Variants in PER3 observed in about 807,000 individuals in gnomAD.
PER3 encodes the protein period circadian protein homolog 3.
Under a neutral mutation model 127.2 loss-of-function variants are expected in PER3, and 107 were observed. The ratio of observed to expected loss-of-function variants is 0.84; its 90% CI spans 0.72 to 0.99. The LOEUF (loss-of-function observed/expected upper bound fraction) is 0.99. PER3 is among the 50% of genes least tolerant of loss of function. PER3 has a pLI of 0.00. For synonymous variants in PER3, 618 were observed against 585.8 expected (o/e 1.05, Z -0.79); for missense variants, 1,560 against 1,525.8 (o/e 1.02, Z -0.37).
At chr1:7,798,765 T>C in intron 7 of PER3, 92 bp downstream of exon 7, 1 of 1,012,770 alleles carries the variant, frequency 9.9e-7, no homozygotes, top group Non-Finnish European at 1.5e-6. Flanking sequence ...CAAAAAGAGC[T>C]CTTGGGTCTC....
intron 19 of PER3, 69 bp downstream of exon 19, chr1:7,830,230 T>G (rs1208813906): frequency 5.8e-6 from 8 of 1,378,386 alleles, no homozygotes; most frequent in East Asian, 4.6e-5. Flanking sequence ...GAGCTCTCAC[T>G]GTGTGCCCCA....
At chr1:7,817,433 A>C (rs533203720) in intron 13 of PER3, among the ~76,000 whole-genome samples, 1 of 152,230 alleles carries the variant, frequency 6.6e-6, no homozygotes, top group African/African-American at 2.4e-5. Context: ...CTTCAACTGT[A>C]TCTCCTAGGG....
chr1:7,839,671 GT>G (rs1263308395), intron 21 of PER3, among the ~76,000 whole-genome samples: 1 of 152,008 alleles, frequency 6.6e-6, no homozygotes, highest in African/African-American at 2.4e-5. Flanking sequence ...TTAGTTGACA[GT>G]TTTTTTTCTT....
chr1:7,800,967 T>C, intron 7 of PER3, 146 bp from the exon 8 acceptor site: 1 of 625,662 alleles, frequency 1.6e-6, no homozygotes, highest in Admixed American at 3.4e-5. Context: ...AACTGTAGCT[T>C]TGGCTGCTTG....
chr1:7,798,303 C>G (rs1577690113), intron 6 of PER3, among the ~76,000 whole-genome samples: 1 of 152,192 alleles, frequency 6.6e-6, no homozygotes, highest in African/African-American at 2.4e-5. Flanking sequence ...TTTTTACACT[C>G]ACAGTAATCT....
chr1:7,784,927 A>C lies in PER3; in HGVS notation c.50A>C (p.Glu17Ala). ...PGPGRRGAKD[E>A]ALGEESGERW... ...CCCGGGAGACGGGGGGCTAAGGACG[A>C]GGCCCTGGGCGAAGAATCGGGGGAG... The change falls in exon 2 of 22, where the codon GAG (glutamate) becomes GCG (alanine). Residue 17 changes from glutamate to alanine, a missense_variant. By Grantham distance (107) the Glu-to-Ala change is moderately radical (BLOSUM62 -1). Transcript: ENST00000377532. 6.5e-7 allele frequency: 1 copy of C among 1,536,174 alleles called. No homozygotes were observed. The highest frequency in any genetic ancestry group is 8.7e-7 in the Non-Finnish European group (1 of 1,153,712).
chr1:7,790,814 C>G (rs1290334710), intron 5 of PER3, among the ~76,000 whole-genome samples: 3 of 152,240 alleles, frequency 2.0e-5, no homozygotes, highest in Non-Finnish European at 4.4e-5. Flanking sequence ...AAAGGGGCTA[C>G]AGGCCCCTTG....
At chr1:7,818,593 T>C (rs2097262069) in intron 13 of PER3, among the ~76,000 whole-genome samples, 1 of 152,268 alleles carries the variant, frequency 6.6e-6, no homozygotes, top group African/African-American at 2.4e-5. Context: ...TTGTCCTTTA[T>C]AGGAAGTTTT....
chr1:7,827,114 C>T lies in PER3; in HGVS notation c.2189-4C>T. 2 of 1,581,586 alleles carry T rather than the reference C, an allele frequency of 1.3e-6. No homozygotes were observed. Among genetic ancestry groups the T allele is most frequent in the Non-Finnish European group, 1.7e-6 (2 of 1,165,352 alleles). On this transcript the variant is annotated splice_polypyrimidine_tract_variant and splice_region_variant and intron_variant, in intron 17 of 21. Coordinates refer to ENST00000377532, the MANE Select transcript of PER3 (RefSeq NM_001377275.1). Reference sequence around the variant, plus strand: ...ATAATTTGCCTCTACCTTTATCCTTCCAGGAGATTCTACTTCCAAGCAGAC... The same window carrying T: ...ATAATTTGCCTCTACCTTTATCCTTTCAGGAGATTCTACTTCCAAGCAGAC...
At chr1:7,813,159 G>T (rs567848785) in intron 13 of PER3, among the ~76,000 whole-genome samples, 1 of 152,302 alleles carries the variant, frequency 6.6e-6, no homozygotes, top group Non-Finnish European at 1.5e-5. Context: ...TCAGCTACAT[G>T]TACAGAGGCC....
At chr1:7,800,496 C>T (rs1489861293) in intron 7 of PER3, among the ~76,000 whole-genome samples, 1 of 152,002 alleles carries the variant, frequency 6.6e-6, no homozygotes, top group African/African-American at 2.4e-5. Context: ...CCGAGCCCGG[C>T]GACACTTCAT....
chr1:7,833,119 A>G (rs1470693955), intron 19 of PER3, among the ~76,000 whole-genome samples: 2 of 152,160 alleles, frequency 1.3e-5, no homozygotes, highest in Non-Finnish European at 2.9e-5. Flanking sequence ...TTTTATTTCT[A>G]ATTTAAATGC....
chr1:7,817,715 C>T (rs900128835), intron 13 of PER3, among the ~76,000 whole-genome samples: 4 of 151,952 alleles, frequency 2.6e-5, no homozygotes, highest in African/African-American at 7.3e-5. Context: ...TGGATAGACA[C>T]GGGTTAGTAT....
At position 7,803,165 on chromosome 1, in the gene PER3, C is replaced by G. The variant is rs756048515; in HGVS notation, c.979+12C>G. The G allele has an allele frequency of 8.4e-6, 12 of 1,428,046 alleles. No homozygotes were observed. In the East Asian group the frequency reaches 2.3e-4, roughly 27 times the overall value. 88.5% of individuals were successfully genotyped at this position (1,428,046 alleles called of 1,614,324 possible). A position where few individuals can be genotyped will look rare whatever the true frequency, so the allele number is the denominator to read the frequency against. On this transcript the variant is annotated intron_variant, in intron 9 of 21. Coordinates refer to ENST00000377532, the MANE Select transcript of PER3 (RefSeq NM_001377275.1). The stretch of plus-strand genomic sequence containing the variant: ...CATACACCAAAAAGGTCAGGACCTA[C>G]TCCTTTATAGGAGGAAATATTTTTC...
chr1:7,796,962 C>T (rs1315910942), intron 6 of PER3, among the ~76,000 whole-genome samples: 3 of 152,102 alleles, frequency 2.0e-5, no homozygotes, highest in Non-Finnish European at 4.4e-5. Flanking sequence ...CTAGGAAAAT[C>T]AACTTCCTGG....
chr1:7,813,301 T>C (rs115994187), intron 13 of PER3, among the ~76,000 whole-genome samples: 141 of 152,236 alleles, frequency 9.3e-4, no homozygotes, highest in African/African-American at 3.3e-3. Context: ...CAGTTTCTGC[T>C]CAGGGATGTA....
intron 7 of PER3, among the ~76,000 whole-genome samples, chr1:7,800,875 T>G (rs2097167852): frequency 6.6e-6 from 1 of 151,870 alleles, no homozygotes; most frequent in Admixed American, 6.6e-5. Flanking sequence ...ACATTCTTTC[T>G]CTCTCTGTTT....
chr1:7,819,792 A>ATT lies in PER3; in HGVS notation c.1659-309_1659-308dup, dbSNP rs35861261. Among the ~76,000 whole-genome samples the ATT allele has an allele frequency of 8.5e-3, 1,244 of 145,626 alleles. 7 individuals carry two copies. Among genetic ancestry groups the ATT allele is most frequent in the African/African-American group, 0.018 (708 of 39,634 alleles). Reference sequence around the variant, plus strand: ...AAACGTTATGAGATTTTTTTGTGTGATTTTTTTTTTTTTTTAGTTCGTCAG... The same window carrying ATT: ...AAACGTTATGAGATTTTTTTGTGTGATTTTTTTTTTTTTTTTTAGTTCGTCAG... On this transcript the variant is annotated intron_variant, in intron 14 of 21. Transcript: ENST00000377532.
rs35229328 is a variant in PER3 at position 7,822,258 on chromosome 1, A to AT, written c.1957+1633dup. Reference sequence around the variant, plus strand: ...CTGTCTACAAAAAATTTAAAAAAAAATTTTTTTTTTTTTTTGAGAAGGAGT... The same window carrying AT: ...CTGTCTACAAAAAATTTAAAAAAAAATTTTTTTTTTTTTTTTGAGAAGGAGT... On this transcript the variant is annotated intron_variant, in intron 16 of 21. Coordinates refer to ENST00000377532, the MANE Select transcript of PER3 (RefSeq NM_001377275.1). Among the ~76,000 whole-genome samples, 846 of 144,836 alleles carry AT rather than the reference A, an allele frequency of 5.8e-3. 7 individuals are homozygous for AT. Among genetic ancestry groups the AT allele is most frequent in the African/African-American group, 0.015 (591 of 39,278 alleles).
Sources: allele counts gnomAD v4.1 joint callset (sites outside exome capture counted in the v4.1 genomes callset), GRCh38; gene constraint gnomAD v4.1.1; transcripts MANE v1.5; gene names NCBI Gene and HGNC (gene_info 2026-07-23, HGNC 2026-07-21).